Variants in CPAMD8 observed in about 807,000 individuals in gnomAD.
CPAMD8 encodes C3 and PZP-like alpha-2-macroglobulin domain-containing protein 8.
CPAMD8 carries 146 observed loss-of-function variants against 224.7 expected under a neutral mutation model. That is an observed-to-expected ratio of 0.65 (90% confidence interval 0.57 to 0.75). The LOEUF is 0.75. CPAMD8 is among the 30% of genes least tolerant of loss of function. CPAMD8 has a pLI of 0.00. For missense variants in CPAMD8, 2,301 were observed against 2,537.5 expected, an observed-to-expected ratio of 0.91 and a Z score of 2.00; for synonymous variants, 966 against 1,044.6, an observed-to-expected ratio of 0.92 and a Z score of 1.45.
rs376404629 is a variant in CPAMD8 at position 16,977,433 on chromosome 19, T to C, written c.1693A>G (p.Arg565Gly). The change falls in exon 15 of 42, where the codon AGG becomes GGG. Residue 565 changes from arginine (R) to glycine (G), a missense_variant. Physicochemically the swap from Arg to Gly is moderately radical, Grantham distance 125 (BLOSUM62 -2). This residue lies in a region of CPAMD8 where 301 missense variants were observed against 406.6 expected (regional missense o/e 0.74). Coordinates refer to ENST00000443236, the MANE Select transcript of CPAMD8 (RefSeq NM_015692.5). ...TCGGCGACCCCTTCTCCATTCTCCC[T>C]GACGTAGAAGACCAGCAGGCGACCA... ...PLGRLLVFYV[R>G]ENGEGVADSL... The C allele has an allele frequency of 7.2e-5, 116 of 1,612,272 alleles. No individual in the cohort carries two copies. Among genetic ancestry groups the C allele is most frequent in the Non-Finnish European group, 8.8e-5 (104 of 1,178,824 alleles).
chr19:17,018,715 A>AC (rs1568609661), intron 3 of CPAMD8, among the ~76,000 whole-genome samples: 15 of 108,112 alleles, frequency 1.4e-4, no homozygotes, highest in African/African-American at 7.5e-4. Context: ...CTCTACTAAA[A>AC]ATACACACAC....
chr19:17,008,671 G>C, intron 6 of CPAMD8, 112 bp from the exon 7 acceptor site: 1 of 1,196,214 alleles, frequency 8.4e-7, no homozygotes, highest in Non-Finnish European at 1.2e-6. Flanking sequence ...ACCATGCAGC[G>C]AAGGTCCCAA....
chr19:16,938,877 C>G (rs1357158973), intron 22 of CPAMD8, among the ~76,000 whole-genome samples: 1 of 152,316 alleles, frequency 6.6e-6, no homozygotes, highest in East Asian at 1.9e-4. Context: ...GACGAGTCTC[C>G]GTCCCACTGT....
At chr19:16,933,911 C>A (rs894685664) in intron 23 of CPAMD8, among the ~76,000 whole-genome samples, 1 of 152,144 alleles carries the variant, frequency 6.6e-6, no homozygotes, top group Non-Finnish European at 1.5e-5. Flanking sequence ...ATTTGAGATA[C>A]TCCCAAACTG....
rs751476608 is a variant in CPAMD8 at position 16,925,386 on chromosome 19, G to A, written c.3371-14C>T. The A allele has an allele frequency of 3.1e-6, 5 of 1,608,086 alleles. No individual in the cohort carries two copies. Among genetic ancestry groups the A allele is most frequent in the African/African-American group, 1.3e-5 (1 of 74,790 alleles). On this transcript the variant is annotated splice_polypyrimidine_tract_variant and intron_variant, in intron 25 of 41. Coordinates refer to ENST00000443236, the MANE Select transcript of CPAMD8 (RefSeq NM_015692.5). ...CCATGACGTCCCCTGGTGGGAAGGA[G>A]AAGAGAGTTGAGTTGGGGGCTGTCC...
chr19:16,894,423 G>A, intron 41 of CPAMD8: 1 of 456,714 alleles, frequency 2.2e-6, no homozygotes, highest in South Asian at 1.5e-5. Flanking sequence ...CCGTTAGGAA[G>A]AGAAGCCGCT....
intron 13 of CPAMD8, among the ~76,000 whole-genome samples, chr19:16,985,411 G>C (rs957880620): frequency 6.7e-6 from 1 of 150,154 alleles, no homozygotes; most frequent in African/African-American, 2.5e-5. Context: ...ATGGGTGGAG[G>C]AAAGAAAGAA....
At position 17,022,987 on chromosome 19, in the gene CPAMD8, C is replaced by T. The variant is rs115295297; in HGVS notation, c.93-806G>A. Among the ~76,000 whole-genome samples the T allele has an allele frequency of 2.7e-3, 406 of 152,152 alleles. 2 individuals carry two copies. Among genetic ancestry groups the T allele is most frequent in the African/African-American group, 9.2e-3 (380 of 41,500 alleles). On this transcript the variant is annotated intron_variant, in intron 1 of 41. Coordinates refer to ENST00000443236, the MANE Select transcript of CPAMD8 (RefSeq NM_015692.5). ...ACCCCAGAGAAGTCAAGTCACCAGC[C>T]GCAACAGTGACAGACCAGGATTCTA...
rs1318785190 is a variant in CPAMD8, at chr19:16,964,919, TAGAC to T, written c.2213+5968_2213+5971del. On this transcript the variant is annotated intron_variant, in intron 18 of 41. Transcript: ENST00000443236. Reference sequence around the variant, plus strand: ...AAATCAATAAACGAAATCCATCACATAGACAGAACCATTGACAAAAACCACATGA... The same window carrying T: ...AAATCAATAAACGAAATCCATCACATAGAACCATTGACAAAAACCACATGA... Among the ~76,000 whole-genome samples, 7 of 152,054 alleles carry T rather than the reference TAGAC, an allele frequency of 4.6e-5. No homozygotes were observed. The South Asian group carries it at 6.2e-4, about 14-fold the overall frequency.
At chr19:16,983,266 G>A (rs1450350408) in intron 13 of CPAMD8, among the ~76,000 whole-genome samples, 2 of 152,182 alleles carry the variant, frequency 1.3e-5, no homozygotes, top group Non-Finnish European at 2.9e-5. Flanking sequence ...GCAAGGCACG[G>A]TGGCAGGTGC....
At chr19:16,921,831 C>T in intron 27 of CPAMD8, 74 bp downstream of exon 27, 1 of 944,054 alleles carries the variant, frequency 1.1e-6, no homozygotes, top group South Asian at 1.4e-5. Flanking sequence ...GATCTGGTCA[C>T]ACTGCATTGG....
rs1405252123 is a variant in CPAMD8 at position 16,896,206 on chromosome 19, TCTGA to T, written c.5392_5395del (p.Ser1798ThrfsTer20). On this transcript the variant is annotated frameshift_variant, in exon 41 of 42. Transcript: ENST00000443236. LOFTEE classifies it low-confidence loss of function (END_TRUNC). ...CTCCGCCTCCCCTTCAGGCTCAGGG[TCTGA>T]GTCCTCCACCTCAAGGCCGGCTCCA... 3 of 1,613,672 alleles carry T rather than the reference TCTGA, an allele frequency of 1.9e-6. No homozygotes were observed. Among genetic ancestry groups the T allele is most frequent in the Non-Finnish European group, 2.5e-6 (3 of 1,179,942 alleles).
At chr19:17,002,387 G>A in intron 8 of CPAMD8, 37 bp from the exon 9 acceptor site, 1 of 1,480,298 alleles carries the variant, frequency 6.8e-7, no homozygotes, top group Non-Finnish European at 9.3e-7. Context: ...GCTGGCTTCT[G>A]TCCCTAAGGT....
intron 19 of CPAMD8, 56 bp from the exon 20 acceptor site, chr19:16,952,256 G>T: frequency 1.0e-6 from 1 of 984,400 alleles, no homozygotes; most frequent in South Asian, 1.4e-5. Flanking sequence ...CATGCCTCAG[G>T]GGGGCCAGTG....
At chr19:16,896,733 G>C in intron 39 of CPAMD8, 68 bp from the exon 40 acceptor site, 1 of 1,168,222 alleles carries the variant, frequency 8.6e-7, no homozygotes. Context: ...CAGAACCTGG[G>C]GGTGGGGAAG....
chr19:16,990,451 G>A (rs1369711177), intron 12 of CPAMD8, among the ~76,000 whole-genome samples: 1 of 151,996 alleles, frequency 6.6e-6, no homozygotes, highest in African/African-American at 2.4e-5. Flanking sequence ...CAGCTACTAG[G>A]GGAGGCTGAA....
At chr19:17,008,703 C>CAAAAAAAA in intron 6 of CPAMD8, 144 bp from the exon 7 acceptor site, 6 of 884,196 alleles carry the variant, frequency 6.8e-6, no homozygotes, top group Admixed American at 4.2e-5. Context: ...AACCCCGGGG[C>CAAAAAAAA]AAAAAAAAAG....
rs1422993069 is a variant in CPAMD8 at position 16,989,327 on chromosome 19, C to A, written c.1395+316G>T. Among the ~76,000 whole-genome samples, 6 of 152,056 alleles carry A rather than the reference C, an allele frequency of 3.9e-5. No individual in the cohort carries two copies. The East Asian group carries it at 1.2e-3, about 29-fold the overall frequency. On this transcript the variant is annotated intron_variant, in intron 13 of 41. Transcript: ENST00000443236. ...TTTTTTGAGGAGTCTGGCTTTGTCG[C>A]CCAGGCTGGAGTGCAGTGGTGTGAT... is the stretch of plus-strand genomic sequence containing the variant.
At chr19:16,965,628 T>C (rs971332034) in intron 18 of CPAMD8, among the ~76,000 whole-genome samples, 1 of 152,110 alleles carries the variant, frequency 6.6e-6, no homozygotes, top group African/African-American at 2.4e-5. Flanking sequence ...TCAGCTGATA[T>C]GCAACTTCAG....
Sources: gnomAD v4.1 joint callset for allele counts (sites outside exome capture counted in the v4.1 genomes callset) on GRCh38, gnomAD v4.1.1 for gene constraint, gnomAD v4.1.1 regional missense constraint, MANE v1.5 for transcripts, NCBI Gene and HGNC (gene_info 2026-07-23, HGNC 2026-07-21) for gene names.